CFAP92: variants seen among roughly 807,000 people sequenced by gnomAD.
CFAP92 encodes cilia and flagella associated protein 92 (putative).
CFAP92 carries 86 observed loss-of-function variants against 106.3 expected under a neutral mutation model. The observed-to-expected ratio is 0.81, with a 90% CI of 0.68 to 0.97. The LOEUF (loss-of-function observed/expected upper bound fraction) is 0.97. CFAP92 is among the 50% of genes least tolerant of loss of function. The pLI is 0.00. For synonymous variants in CFAP92, 477 were observed against 506.4 expected (o/e 0.94, Z 0.78); for missense variants, 1,204 against 1,283.8 (o/e 0.94, Z 0.95).
intron 12 of CFAP92, among the ~76,000 whole-genome samples, chr3:128,923,896 A>G (rs1008374528): frequency 1.1e-4 from 16 of 152,306 alleles, no homozygotes; most frequent in Admixed American, 9.8e-4. Flanking sequence ...GCTCCCTGGA[A>G]CTGATATTTT....
At chr3:128,960,586 A>G (rs545504379) in intron 9 of CFAP92, among the ~76,000 whole-genome samples, 1 of 152,220 alleles carries the variant, frequency 6.6e-6, no homozygotes, top group Non-Finnish European at 1.5e-5. Flanking sequence ...CGGACTGGGA[A>G]GGCAGCCTTC....
At chr3:128,952,019 A>G (rs915023983) in intron 9 of CFAP92, among the ~76,000 whole-genome samples, 4 of 152,170 alleles carry the variant, frequency 2.6e-5, no homozygotes, top group Admixed American at 6.5e-5. Context: ...CTCACCTGGC[A>G]GTATTGAGAT....
intron 12 of CFAP92, among the ~76,000 whole-genome samples, chr3:128,931,699 T>C (rs939019449): frequency 5.3e-5 from 8 of 152,082 alleles, no homozygotes; most frequent in African/African-American, 1.9e-4. Context: ...GAACTGATTC[T>C]TTTGAAAAAG....
intron 10 of CFAP92, among the ~76,000 whole-genome samples, chr3:128,943,609 C>T (rs1417897211): frequency 6.6e-6 from 1 of 151,902 alleles, no homozygotes; most frequent in Non-Finnish European, 1.5e-5. Context: ...GATCTCGGCT[C>T]ACCGCAACCT....
chr3:129,004,231 C>A (rs577207671), upstream of CFAP92, among the ~76,000 whole-genome samples: 6 of 152,294 alleles, frequency 3.9e-5, no homozygotes, highest in South Asian at 1.2e-3. Flanking sequence ...GTCAGTTCTC[C>A]ATTTCTTAAG....
intron 9 of CFAP92, among the ~76,000 whole-genome samples, chr3:128,953,345 C>A (rs1050625630): frequency 6.6e-6 from 1 of 151,978 alleles, no homozygotes; most frequent in African/African-American, 2.4e-5. Flanking sequence ...GAAACCCAGT[C>A]TCTACTAAAA....
chr3:128,938,155 TG>T (rs966555726), intron 10 of CFAP92, among the ~76,000 whole-genome samples: 2 of 149,674 alleles, frequency 1.3e-5, no homozygotes, highest in Admixed American at 6.7e-5. Context: ...TTGCTTGAGG[TG>T]GGGGGGTCAA....
At chr3:128,998,896 A>G (rs1332125405), upstream of CFAP92, among the ~76,000 whole-genome samples, 1 of 152,206 alleles carries the variant, frequency 6.6e-6, no homozygotes, top group Non-Finnish European at 1.5e-5. Context: ...TGCAACCACT[A>G]CACCATGAAG....
At chr3:128,930,864 A>G (rs572558118) in intron 12 of CFAP92, among the ~76,000 whole-genome samples, 2 of 152,348 alleles carry the variant, frequency 1.3e-5, no homozygotes, top group East Asian at 1.9e-4. Context: ...GAGGTAGGAT[A>G]AGGAAGACTG....
upstream of CFAP92, among the ~76,000 whole-genome samples, chr3:128,997,857 G>A (rs192180968): frequency 1.1e-3 from 169 of 152,268 alleles, no homozygotes; most frequent in Non-Finnish European, 2.6e-4. Flanking sequence ...GTCATTTTGT[G>A]ATTAACTTCT....
chr3:128,934,344 C>T lies in CFAP92; in HGVS notation c.2453+781G>A, dbSNP rs375889724. Among the ~76,000 whole-genome samples, 22 of 152,240 alleles carry T rather than the reference C, an allele frequency of 1.4e-4. 1 individual carries two copies. The highest frequency in any genetic ancestry group is 4.6e-4 in the Admixed American group (7 of 15,298). ...AAGTGATTCTCCTGCCTCAGCCTCCCGAGTAGCTGGGATTACAGGCATGCG... is the reference window on the plus strand; with the variant it reads ...AAGTGATTCTCCTGCCTCAGCCTCCTGAGTAGCTGGGATTACAGGCATGCG... On this transcript the variant is annotated intron_variant, in intron 11 of 15. Coordinates refer to ENST00000645291, the MANE Select transcript of CFAP92 (RefSeq NM_001394090.1).
At chr3:128,920,595 A>G (rs1357514891) in intron 12 of CFAP92, among the ~76,000 whole-genome samples, 1 of 152,154 alleles carries the variant, frequency 6.6e-6, no homozygotes, top group Non-Finnish European at 1.5e-5. Flanking sequence ...AGTGTTGGGA[A>G]AAAGGCTGAG....
intron 1 of CFAP92, chr3:128,993,569 G>A: frequency 1.9e-6 from 1 of 517,248 alleles, no homozygotes; most frequent in African/African-American, 1.9e-5. Flanking sequence ...GCACGACGAC[G>A]AGCAACCCCG....
intron 4 of CFAP92, among the ~76,000 whole-genome samples, chr3:128,986,278 C>T (rs1235392114): frequency 1.3e-5 from 2 of 148,924 alleles, no homozygotes; most frequent in Non-Finnish European, 3.0e-5. Context: ...CTTGCTCCAT[C>T]ACCCAGGCTG....
intron 9 of CFAP92, among the ~76,000 whole-genome samples, chr3:128,956,390 G>A (rs953486244): frequency 6.6e-6 from 1 of 151,846 alleles, no homozygotes; most frequent in Non-Finnish European, 1.5e-5. Flanking sequence ...AGGTGGTGCT[G>A]AAAAGTATTC....
intron 10 of CFAP92, among the ~76,000 whole-genome samples, chr3:128,943,397 C>T (rs933831559): frequency 1.3e-5 from 2 of 152,088 alleles, no homozygotes; most frequent in Non-Finnish European, 2.9e-5. Flanking sequence ...TGGCAACCAC[C>T]GGCCTACCTA....
intron 10 of CFAP92, among the ~76,000 whole-genome samples, chr3:128,944,699 G>T (rs899161629): frequency 6.6e-6 from 1 of 152,154 alleles, no homozygotes; most frequent in African/African-American, 2.4e-5. Context: ...GGCCTTCAGG[G>T]AAGGGCAATT....
chr3:129,014,962 C>T, the CFAP92 span, among the ~76,000 whole-genome samples: 9 of 152,284 alleles, frequency 5.9e-5, no homozygotes, highest in African/African-American at 1.7e-4. This position sits in a 1 kb window ranked among gnomAD's most constrained non-coding sequence, Gnocchi z 4.3. Flanking sequence ...ACTCTCCAGT[C>T]GCACCCACCA....
chr3:128,983,199 T>C (rs1943637711), intron 4 of CFAP92, among the ~76,000 whole-genome samples: 1 of 152,200 alleles, frequency 6.6e-6, no homozygotes, highest in Non-Finnish European at 1.5e-5. Flanking sequence ...CCTGTTCTCC[T>C]GGAGCTGCTG....
Sources: gnomAD v4.1 joint callset for allele counts (sites outside exome capture counted in the v4.1 genomes callset) on GRCh38, gnomAD v4.1.1 for gene constraint, Gnocchi (gnomAD v3.1) non-coding constraint, MANE v1.5 for transcripts, NCBI Gene and HGNC (gene_info 2026-07-23, HGNC 2026-07-21) for gene names.